Variants in PAK3 observed in about 807,000 individuals in gnomAD.
The protein encoded by PAK3 is p21 (RAC1) activated kinase 3.
In PAK3, 4 loss-of-function variants were observed where a neutral mutation model predicts 41.0. That is an observed-to-expected ratio of 0.10 (90% confidence interval 0.05 to 0.22). PAK3 has a LOEUF of 0.22. PAK3 is among the 10% of genes least tolerant of loss of function. The pLI is 1.00. For missense variants in PAK3, 205 were observed against 409.9 expected, an observed-to-expected ratio of 0.50 and a Z score of 4.32; for synonymous variants, 146 against 139.6, an observed-to-expected ratio of 1.05 and a Z score of -0.32.
intron 17 of PAK3, chrX:111,217,687 G>T (rs1029804955): frequency 1.5e-6 from 1 of 688,955 alleles, no homozygotes; most frequent in Non-Finnish European, 1.7e-6. Context: ...TTATCATAGG[G>T]CCCTAAAATG....
chrX:111,166,253 C>T (rs1218486719), intron 10 of PAK3, among the ~76,000 whole-genome samples: 2 of 111,427 alleles, frequency 1.8e-5, no homozygotes, highest in East Asian at 5.7e-4. Context: ...AGACAAGTCA[C>T]TTAACTCCTC....
At chrX:110,982,005 G>A (rs2091455619) in intron 1 of PAK3, among the ~76,000 whole-genome samples, 1 of 110,724 alleles carries the variant, frequency 9.0e-6, no homozygotes, top group Non-Finnish European at 1.9e-5. Flanking sequence ...GGCAGAAAGA[G>A]GCAAATAGAG....
chrX:111,057,434 T>C (rs1690043055), intron 1 of PAK3, among the ~76,000 whole-genome samples: 2 of 112,167 alleles, frequency 1.8e-5, no homozygotes, highest in African/African-American at 3.2e-5. Flanking sequence ...GTAAATATCA[T>C]GATTCGTGAC....
intron 5 of PAK3, among the ~76,000 whole-genome samples, chrX:111,126,878 T>C (rs1403537645): frequency 1.8e-5 from 2 of 111,598 alleles, no homozygotes; most frequent in East Asian, 5.6e-4. Flanking sequence ...GCCTATAATT[T>C]TATAAGCCGG....
intron 1 of PAK3, among the ~76,000 whole-genome samples, chrX:110,962,152 G>A (rs901021008): frequency 7.2e-5 from 8 of 111,874 alleles, no homozygotes; most frequent in Non-Finnish European, 1.5e-4. Context: ...TTTCTCTCCT[G>A]ATCCCTAGAT....
intron 10 of PAK3, among the ~76,000 whole-genome samples, chrX:111,172,496 C>G (rs185466240): frequency 9.0e-6 from 1 of 111,018 alleles, no homozygotes; most frequent in Admixed American, 9.6e-5. Flanking sequence ...CAGCCCTTCT[C>G]CCTCTCCTCT....
Position 111,196,514 on chromosome X carries a change from T to C in PAK3, c.1281T>C (p.Tyr427=). ...GAAGCACTATGGTGGGAACCCCATA[T>C]TGGATGGCACCTGAGGTGGTGACTC... The part of the protein sequence containing the change: ...SKRSTMVGTP[Y]WMAPEVVTRK... The change falls in exon 16 of 18, where the codon TAT becomes TAC. Residue 427 remains tyrosine (Y), a synonymous_variant. Coordinates refer to ENST00000372007, the MANE Select transcript of PAK3 (RefSeq NM_002578.5). The C allele has an allele frequency of 3.3e-6, 4 of 1,203,760 alleles. No individual in the cohort carries two copies. The highest frequency in any genetic ancestry group is 3.0e-5 in the East Asian group (1 of 33,815).
chrX:111,118,435 C>G (rs1010773967), intron 4 of PAK3, among the ~76,000 whole-genome samples: 1 of 110,728 alleles, frequency 9.0e-6, no homozygotes, highest in African/African-American at 3.3e-5. Context: ...TGTTGCCCAC[C>G]ACCAAAAGTA....
At chrX:111,057,756 G>T (rs2148801566) in intron 1 of PAK3, among the ~76,000 whole-genome samples, 1 of 111,226 alleles carries the variant, frequency 9.0e-6, no homozygotes, top group Non-Finnish European at 1.9e-5. Flanking sequence ...TCACTAGATT[G>T]TGCAACCATC....
In PAK3 at chrX:111,192,574, C is replaced by A; in HGVS notation, c.948C>A (p.Val316=). 1 of 1,138,386 alleles carries A rather than the reference C, an allele frequency of 8.8e-7. No individual in the cohort carries two copies. Among genetic ancestry groups the A allele is most frequent in the Non-Finnish European group, 1.2e-6 (1 of 829,269 alleles). 93.8% of individuals were successfully genotyped at this position (1,138,386 alleles called of 1,213,427 possible). ...KKELIINEIL[V]MRENKNPNIV... ...AATTAATTATTAATGAAATTCTGGT[C>A]ATGAGGGAAAATAAGAACCCTAATA... The change falls in exon 13 of 18, where the codon GTC becomes GTA. Residue 316 remains valine (V), a synonymous_variant. Transcript: ENST00000372007.
intron 6 of PAK3, among the ~76,000 whole-genome samples, chrX:111,142,655 T>G (rs1209857505): frequency 2.7e-5 from 3 of 112,041 alleles, no homozygotes; most frequent in Non-Finnish European, 5.7e-5. Context: ...GTTTTTCCCT[T>G]TGATTTCTAG....
chrX:111,121,959 A>C (rs2093577861), intron 4 of PAK3, among the ~76,000 whole-genome samples: 1 of 111,350 alleles, frequency 9.0e-6, no homozygotes, highest in Non-Finnish European at 1.9e-5. Context: ...AAGATACTAA[A>C]GAATAATGAA....
chrX:111,170,084 G>A (rs2094316817), intron 10 of PAK3, among the ~76,000 whole-genome samples: 1 of 110,872 alleles, frequency 9.0e-6, no homozygotes, highest in Non-Finnish European at 1.9e-5. Flanking sequence ...AATAACCCAG[G>A]AAAAAGATGA....
rs776318306 is a variant in PAK3 at position 111,194,499 on chromosome X, T to A, written c.1110+81T>A. On this transcript the variant is annotated intron_variant, in intron 14 of 17. Transcript: ENST00000372007. ...TTTCTGATTATTCAGAATGTTTGTATCATCAAAGTAACAATAGTAGAACTT... is the reference window on the plus strand; with the variant it reads ...TTTCTGATTATTCAGAATGTTTGTAACATCAAAGTAACAATAGTAGAACTT... 7 of 610,791 alleles carry A rather than the reference T, an allele frequency of 1.1e-5. No individual in the cohort carries two copies. The African/African-American group carries it at 1.5e-4, about 13-fold the overall frequency. The allele number at this position is 610,791 out of a possible 1,213,427, so 50.3% of individuals were successfully genotyped here.
At chrX:110,963,077 G>A (rs183430829) in intron 1 of PAK3, among the ~76,000 whole-genome samples, 4 of 112,090 alleles carry the variant, frequency 3.6e-5, no homozygotes, top group African/African-American at 6.5e-5. Flanking sequence ...CTTGATGCAG[G>A]CACTATCCCT....
intron 10 of PAK3, among the ~76,000 whole-genome samples, chrX:111,168,196 C>T (rs1430480833): frequency 8.9e-6 from 1 of 111,869 alleles, no homozygotes; most frequent in African/African-American, 3.3e-5. Context: ...GCTTTTCTGT[C>T]ACTGAACTCA....
At chrX:111,056,951 C>T (rs1055223491) in intron 1 of PAK3, among the ~76,000 whole-genome samples, 1 of 111,832 alleles carries the variant, frequency 8.9e-6, no homozygotes, top group East Asian at 2.8e-4. Flanking sequence ...TCTCAAGTGG[C>T]TTTCTGTATT....
At chrX:110,962,725 A>G (rs1191893194) in intron 1 of PAK3, among the ~76,000 whole-genome samples, 3 of 112,800 alleles carry the variant, frequency 2.7e-5, no homozygotes, top group Non-Finnish European at 5.6e-5. Context: ...ATATCTGTTT[A>G]TCATCCTGGC....
chrX:111,052,404 A>G (rs771406897), intron 1 of PAK3, among the ~76,000 whole-genome samples: 18 of 112,646 alleles, frequency 1.6e-4, no homozygotes, highest in African/African-American at 5.2e-4. Context: ...AAATAGTCAA[A>G]ATTTCATCCT....
Sources: gnomAD v4.1 joint callset for allele counts (sites outside exome capture counted in the v4.1 genomes callset) on GRCh38, gnomAD v4.1.1 for gene constraint, MANE v1.5 for transcripts, NCBI Gene and HGNC (gene_info 2026-07-23, HGNC 2026-07-21) for gene names.